DRC8: variants seen among roughly 807,000 people sequenced by gnomAD.
The protein encoded by DRC8 is dynein regulatory complex subunit 8, also known as dynein regulatory complex protein 8.
chr1:245,108,379 C>G, the DRC8 span, among the ~76,000 whole-genome samples: 1 of 152,224 alleles, frequency 6.6e-6, no homozygotes, highest in Admixed American at 6.5e-5. Context: ...AGTGATGCCT[C>G]CTTGCTGAAA....
chr1:245,045,888 T>A, the DRC8 span, among the ~76,000 whole-genome samples: 1 of 152,214 alleles, frequency 6.6e-6, no homozygotes, highest in Admixed American at 6.5e-5. Flanking sequence ...CCCATCTGCC[T>A]ACCAGAAAAG....
chr1:244,980,214 G>A, the DRC8 span, among the ~76,000 whole-genome samples: 126 of 131,752 alleles, frequency 9.6e-4, 1 homozygote, highest in Admixed American at 3.8e-3. Context: ...GCGAGACTCC[G>A]TCTCAAAAAA....
the DRC8 span, chr1:245,087,643 C>T: frequency 9.5e-7 from 1 of 1,052,332 alleles, no homozygotes; most frequent in African/African-American, 1.7e-5. Context: ...CTCAGGTCAC[C>T]TTCGAATTAA....
chr1:245,081,307 G>A, the DRC8 span, among the ~76,000 whole-genome samples: 4 of 151,392 alleles, frequency 2.6e-5, no homozygotes, highest in African/African-American at 4.8e-5. Flanking sequence ...GACTACAGGC[G>A]CCCACCACCA....
the DRC8 span, among the ~76,000 whole-genome samples, chr1:245,027,111 C>A: frequency 6.6e-6 from 1 of 152,262 alleles, no homozygotes; most frequent in Middle Eastern, 3.4e-3. Flanking sequence ...TGATTTATAT[C>A]TTATCTCTTT....
the DRC8 span, among the ~76,000 whole-genome samples, chr1:245,115,946 G>T: frequency 6.6e-6 from 1 of 151,576 alleles, no homozygotes; most frequent in African/African-American, 2.4e-5. Flanking sequence ...GAGTGCAGTG[G>T]CGTGATCTCA....
chr1:244,972,910 T>C, the DRC8 span, among the ~76,000 whole-genome samples: 1 of 152,304 alleles, frequency 6.6e-6, no homozygotes, highest in South Asian at 2.1e-4. Flanking sequence ...ATTAACTAAT[T>C]GCAGTTTGTG....
the DRC8 span, among the ~76,000 whole-genome samples, chr1:244,989,380 C>A: frequency 2.0e-5 from 3 of 152,144 alleles, no homozygotes; most frequent in African/African-American, 7.2e-5. Flanking sequence ...TGGCTGTGAT[C>A]GTTTCTCAGG....
At chr1:245,034,860 G>GTT in the DRC8 span, among the ~76,000 whole-genome samples, 5,840 of 136,182 alleles carry the variant, frequency 0.043, 332 homozygotes, top group East Asian at 0.13. Context: ...ATAAATGAAA[G>GTT]TTTTTTTTTT....
the DRC8 span, among the ~76,000 whole-genome samples, chr1:245,024,744 A>G: frequency 6.6e-6 from 1 of 152,012 alleles, no homozygotes; most frequent in Non-Finnish European, 1.5e-5. Flanking sequence ...GGGGTTCACC[A>G]TATTGGTCAG....
the DRC8 span, among the ~76,000 whole-genome samples, chr1:245,026,007 T>A: frequency 6.6e-6 from 1 of 152,232 alleles, no homozygotes; most frequent in African/African-American, 2.4e-5. Context: ...TTCATAGCAG[T>A]ATTAGTGGTA....
chr1:245,052,683 G>A, the DRC8 span, among the ~76,000 whole-genome samples: 1 of 152,198 alleles, frequency 6.6e-6, no homozygotes, highest in Admixed American at 6.5e-5. Context: ...GAATAGAGGG[G>A]GCCTCTGGGG....
chr1:245,007,760 C>T, the DRC8 span, among the ~76,000 whole-genome samples: 9 of 115,866 alleles, frequency 7.8e-5, no homozygotes, highest in Middle Eastern at 0.013. Context: ...GCTAACCTTC[C>T]CCAAGTCCCT....
the DRC8 span, among the ~76,000 whole-genome samples, chr1:245,049,778 G>A: frequency 6.6e-6 from 1 of 152,150 alleles, no homozygotes; most frequent in African/African-American, 2.4e-5. This position sits in a 1 kb window ranked among gnomAD's most constrained non-coding sequence, Gnocchi z 4.5. Flanking sequence ...CCAAGTGCTT[G>A]ACTGAGATTT....
the DRC8 span, among the ~76,000 whole-genome samples, chr1:244,972,991 C>A: frequency 6.6e-6 from 1 of 151,992 alleles, no homozygotes; most frequent in African/African-American, 2.4e-5. Context: ...GTGGTAAGAT[C>A]TTTTTATGGA....
chr1:245,095,322 A>T, the DRC8 span, among the ~76,000 whole-genome samples: 762 of 152,328 alleles, frequency 5.0e-3, 6 homozygotes, highest in African/African-American at 0.018. Context: ...GAGGGAGAAA[A>T]TACTCTGGTG....
chr1:245,087,094 C>T, the DRC8 span: 1 of 1,134,786 alleles, frequency 8.8e-7, no homozygotes, highest in Non-Finnish European at 1.2e-6. Context: ...AACCTCTGGA[C>T]TGTCGTGATG....
chr1:245,053,577 G>T, the DRC8 span, among the ~76,000 whole-genome samples: 1 of 152,248 alleles, frequency 6.6e-6, no homozygotes, highest in Admixed American at 6.5e-5. Flanking sequence ...GGTGTACAGG[G>T]AGAGTTCTTG....
the DRC8 span, among the ~76,000 whole-genome samples, chr1:245,057,339 C>G: frequency 6.6e-6 from 1 of 152,088 alleles, no homozygotes; most frequent in East Asian, 1.9e-4. Flanking sequence ...CAATTTTGCA[C>G]GAGCCTAATA....
Sources: gnomAD v4.1 joint callset for allele counts (sites outside exome capture counted in the v4.1 genomes callset) on GRCh38, gnomAD v4.1.1 for gene constraint, Gnocchi (gnomAD v3.1) non-coding constraint, MANE v1.5 for transcripts, NCBI Gene and HGNC (gene_info 2026-07-23, HGNC 2026-07-21) for gene names.